The following TACR3 variants were observed in gnomAD, a reference collection of about 807,000 sequenced individuals.
The protein encoded by TACR3 is tachykinin receptor 3, also known as neuromedin-K receptor.
In TACR3, 34 loss-of-function variants were observed where a neutral mutation model predicts 35.0. The ratio of observed to expected loss-of-function variants is 0.97; its 90% confidence interval spans 0.74 to 1.30. The LOEUF is 1.30. Among genes scored for constraint, TACR3 ranks in the 50% most tolerant of loss-of-function variants. The pLI is 0.00. For missense variants in TACR3, 558 were observed against 591.7 expected (o/e 0.94, Z 0.59); for synonymous variants, 233 against 221.1 (o/e 1.05, Z -0.48).
At chr4:103,654,599 T>C in intron 3 of TACR3, among the ~76,000 whole-genome samples, 1 of 147,612 alleles carries the variant, frequency 6.8e-6, no homozygotes, top group East Asian at 2.1e-4. Flanking sequence ...TAATGCTAAA[T>C]GACGAGTTAA....
chr4:103,719,456 G>C lies in TACR3; in HGVS notation c.220C>G (p.Leu74Val), dbSNP rs1277580705. 1 of 1,614,108 alleles carries C rather than the reference G, an allele frequency of 6.2e-7. No homozygotes were observed. Among genetic ancestry groups the C allele is most frequent in the Non-Finnish European group, 8.5e-7 (1 of 1,180,024 alleles). ...GACGGCTGCACGAACTGGTTGGTGAGGTTGGCCCAGGGCTGGGAGGGCGCG... is the reference window on the plus strand; with the variant it reads ...GACGGCTGCACGAACTGGTTGGTGACGTTGGCCCAGGGCTGGGAGGGCGCG... ...SPAPSQPWAN[L>V]TNQFVQPSWR... Residue 74 changes from leucine to valine, a missense_variant, in exon 1 of 5, where the codon CTC becomes GTC. Transcript: ENST00000304883.
At chr4:103,682,654 T>C (rs1264985727) in intron 1 of TACR3, among the ~76,000 whole-genome samples, 1 of 152,108 alleles carries the variant, frequency 6.6e-6, no homozygotes, top group African/African-American at 2.4e-5. Flanking sequence ...GCTACAGGTG[T>C]GAGCCGTCAC....
intron 1 of TACR3, among the ~76,000 whole-genome samples, chr4:103,709,739 A>T (rs1722895507): frequency 1.3e-5 from 2 of 152,310 alleles, no homozygotes; most frequent in Non-Finnish European, 2.9e-5. Flanking sequence ...AAGAACCATC[A>T]GTGTGCTGAA....
At chr4:103,641,251 A>T (rs2110319756) in intron 3 of TACR3, among the ~76,000 whole-genome samples, 1 of 151,872 alleles carries the variant, frequency 6.6e-6, no homozygotes, top group Non-Finnish European at 1.5e-5. Context: ...GTTCTGTTTC[A>T]TTGGCCTAGG....
intron 1 of TACR3, among the ~76,000 whole-genome samples, chr4:103,716,959 G>A (rs1266978037): frequency 6.6e-6 from 1 of 152,056 alleles, no homozygotes; most frequent in African/African-American, 2.4e-5. Flanking sequence ...ACCTCAGAAA[G>A]GTTTTCTTTA....
chr4:103,600,782 C>G (rs1205562955), intron 3 of TACR3, among the ~76,000 whole-genome samples: 1 of 152,174 alleles, frequency 6.6e-6, no homozygotes, highest in Non-Finnish European at 1.5e-5. Flanking sequence ...GAGTGAGTTT[C>G]TTAATCCTGA....
rs1724433165 is a variant in TACR3, at chr4:103,608,355, T to G, written c.889-16672A>C. Among the ~76,000 whole-genome samples the G allele has an allele frequency of 1.3e-5, 2 of 151,910 alleles. 1 individual carries two copies. Among genetic ancestry groups the G allele is most frequent in the South Asian group, 4.1e-4 (2 of 4,822 alleles). On this transcript the variant is annotated intron_variant, in intron 3 of 4. Transcript: ENST00000304883. ...CTCACTTATAAGTGGAAGCTAAACA[T>G]TAAGCACGCATGGACATAAAAGTAG... is the stretch of plus-strand genomic sequence containing the variant.
intron 3 of TACR3, among the ~76,000 whole-genome samples, chr4:103,629,895 A>AC (rs1363066357): frequency 3.2e-5 from 4 of 124,088 alleles, no homozygotes; most frequent in Non-Finnish European, 3.7e-5. Flanking sequence ...AACAACAACA[A>AC]AAAAAAACAA....
intron 1 of TACR3, among the ~76,000 whole-genome samples, chr4:103,675,041 A>G (rs187726576): frequency 1.8e-3 from 267 of 152,322 alleles, no homozygotes; most frequent in African/African-American, 6.1e-3. Context: ...ATGAAAAATG[A>G]ACACTTTTTT....
intron 3 of TACR3, among the ~76,000 whole-genome samples, chr4:103,655,165 G>A (rs1358559161): frequency 7.2e-5 from 11 of 152,066 alleles, no homozygotes; most frequent in Admixed American, 7.2e-4. Context: ...ACATAAATGT[G>A]GTCTAGTATT....
At chr4:103,718,744 G>A (rs1014431357) in intron 1 of TACR3, among the ~76,000 whole-genome samples, 2 of 152,150 alleles carry the variant, frequency 1.3e-5, no homozygotes, top group South Asian at 4.1e-4. Flanking sequence ...GAGAAGGAAG[G>A]CCAAAAAGTG....
Position 103,589,811 on chromosome 4 carries a change from G to C in TACR3, c.1269C>G (p.Ser423=). The C allele has an allele frequency of 6.2e-7, 1 of 1,613,948 alleles. No homozygotes were observed. The highest frequency in any genetic ancestry group is 8.5e-7 in the Non-Finnish European group (1 of 1,179,888). Reference sequence around the variant, plus strand: ...TTGGCGTTGCTCTTTTCTTCCGACTGGACCTGGTGGTGTCTGCATCGTTGG... The same window carrying C: ...TTGGCGTTGCTCTTTTCTTCCGACTCGACCTGGTGGTGTCTGCATCGTTGG... The part of the protein sequence containing the change: ...FDPNDADTTR[S]SRKKRATPRD... Residue 423 remains serine (S), a synonymous_variant, in exon 5 of 5, where the codon TCC becomes TCG. Transcript: ENST00000304883.
Position 103,673,023 on chromosome 4 carries a change from T to G in TACR3, c.549-14620A>C, listed in dbSNP as rs79690890. On this transcript the variant is annotated intron_variant, in intron 1 of 4. Transcript: ENST00000304883. ...CTGGCCACAAGTTTTCTTCTGCAGC[T>G]TCTTCAACTCTTTGAGCTTTTATAG... Among the ~76,000 whole-genome samples the G allele has an allele frequency of 9.9e-4, 151 of 152,300 alleles. 7 individuals are homozygous for G. The East Asian group carries it at 0.028, about 28-fold the overall frequency.
rs150396991 is a variant in TACR3 at position 103,603,377 on chromosome 4, G to A, written c.889-11694C>T. Among the ~76,000 whole-genome samples the A allele has an allele frequency of 6.2e-3, 946 of 152,292 alleles. 11 individuals carry two copies. The highest frequency in any genetic ancestry group is 0.021 in the African/African-American group (853 of 41,564). ...GTTATGCCTCGCCCTGCTTTGGCTC[G>A]TGCACGGTGCGCTGCACCCACTGTC... On this transcript the variant is annotated intron_variant, in intron 3 of 4. Transcript: ENST00000304883.
At chr4:103,683,172 T>C (rs1722140889) in intron 1 of TACR3, among the ~76,000 whole-genome samples, 1 of 151,896 alleles carries the variant, frequency 6.6e-6, no homozygotes. Flanking sequence ...AAAATGTAAA[T>C]ACAAAATTAA....
At chr4:103,617,915 G>GTAAT (rs1158905260) in intron 3 of TACR3, among the ~76,000 whole-genome samples, 2 of 152,088 alleles carry the variant, frequency 1.3e-5, no homozygotes, top group African/African-American at 4.8e-5. Context: ...CTGGGGGAAG[G>GTAAT]TAATTAGGAG....
At chr4:103,650,710 AAT>A (rs1396237876) in intron 3 of TACR3, among the ~76,000 whole-genome samples, 1 of 48,544 alleles carries the variant, frequency 2.1e-5, no homozygotes, top group Non-Finnish European at 3.0e-5. Flanking sequence ...TATATATATA[AAT>A]ATATATAAAT....
In TACR3 at chr4:103,698,259, T is replaced by C. The variant is rs541854813; in HGVS notation, c.548+20869A>G. ...TTGAAGGTATAAAAGTCAATACACATGGTACTATGACTTTTAAAAATTTAC... is the reference window on the plus strand; with the variant it reads ...TTGAAGGTATAAAAGTCAATACACACGGTACTATGACTTTTAAAAATTTAC... On this transcript the variant is annotated intron_variant, in intron 1 of 4. Coordinates refer to ENST00000304883, the MANE Select transcript of TACR3 (RefSeq NM_001059.3). Among the ~76,000 whole-genome samples the C allele has an allele frequency of 3.3e-5, 5 of 152,272 alleles. No homozygotes were observed. In the East Asian group the frequency reaches 9.7e-4, roughly 29 times the overall value.
intron 1 of TACR3, among the ~76,000 whole-genome samples, chr4:103,685,767 T>G (rs1412464982): frequency 1.3e-5 from 2 of 152,138 alleles, no homozygotes; most frequent in African/African-American, 4.8e-5. Context: ...CTCTGAAAAT[T>G]AAACAAAGGC....
Sources: allele counts gnomAD v4.1 joint callset (sites outside exome capture counted in the v4.1 genomes callset), GRCh38; gene constraint gnomAD v4.1.1; transcripts MANE v1.5; gene names NCBI Gene and HGNC (gene_info 2026-07-23, HGNC 2026-07-21).